Variants in TDRD5 observed in about 807,000 individuals in gnomAD.
TDRD5 encodes the protein tudor domain containing 5.
TDRD5 carries 41 observed loss-of-function variants against 120.6 expected under a neutral mutation model. That is an observed-to-expected ratio of 0.34 (90% confidence interval 0.26 to 0.44). The LOEUF (loss-of-function observed/expected upper bound fraction) is 0.44, where lower values mean the gene tolerates loss of function less well. TDRD5 is among the 20% of genes least tolerant of loss of function. The pLI is 1.00. For synonymous variants in TDRD5, 430 were observed against 433.7 expected (o/e 0.99, Z 0.11); for missense variants, 1,006 against 1,221.2 (o/e 0.82, Z 2.63).
At chr1:179,633,252 C>A (rs1677560738) in intron 7 of TDRD5, among the ~76,000 whole-genome samples, 1 of 152,060 alleles carries the variant, frequency 6.6e-6, no homozygotes, top group Admixed American at 6.5e-5. Flanking sequence ...CCCATTTTTT[C>A]ACCATCACAA....
chr1:179,604,580 T>C (rs1675876860), intron 4 of TDRD5, among the ~76,000 whole-genome samples: 1 of 152,122 alleles, frequency 6.6e-6, no homozygotes, highest in African/African-American at 2.4e-5. Context: ...GACCGTGTCA[T>C]TATTGTCATT....
At chr1:179,633,615 G>C (rs7528948) in intron 7 of TDRD5, among the ~76,000 whole-genome samples, 141,025 of 151,790 alleles carry the variant, frequency 0.93, 66,112 homozygotes, top group Non-Finnish European at 0.99. Context: ...CTCCCAAAGT[G>C]CTGGGATTAC....
intron 6 of TDRD5, among the ~76,000 whole-genome samples, chr1:179,628,466 G>GTT (rs1263815038): frequency 5.2e-5 from 6 of 114,992 alleles, no homozygotes; most frequent in African/African-American, 9.0e-5. Context: ...GTCCAGCTAA[G>GTT]TTTTTTTTTT....
chr1:179,669,063 A>G (rs1361934363), intron 16 of TDRD5, 131 bp from the exon 17 acceptor site: 1 of 929,240 alleles, frequency 1.1e-6, no homozygotes, highest in East Asian at 2.7e-5. Flanking sequence ...TAGGTTCTTG[A>G]AAGTGAGTAG....
At position 179,683,517 on chromosome 1, in the gene TDRD5, C is replaced by T. The variant is rs116619912; in HGVS notation, c.2861-7179C>T. ...GATCAGAATTTCACTTTTTAGAATACGCTGTCAAATCCTCCTCGAACATAA... is the reference window on the plus strand; with the variant it reads ...GATCAGAATTTCACTTTTTAGAATATGCTGTCAAATCCTCCTCGAACATAA... On this transcript the variant is annotated intron_variant, in intron 17 of 17. Transcript: ENST00000444136. 8.3e-3 allele frequency among the ~76,000 whole-genome samples: 1,260 copies of T among 152,238 alleles called. 17 individuals carry two copies. Among genetic ancestry groups the T allele is most frequent in the African/African-American group, 0.029 (1,197 of 41,524 alleles).
chr1:179,630,980 GA>G (rs1677410495), intron 7 of TDRD5, 60 bp downstream of exon 7: 1 of 1,452,182 alleles, frequency 6.9e-7, no homozygotes, highest in African/African-American at 1.4e-5. Flanking sequence ...AGGACAAAGA[GA>G]AAACATGAAA....
At chr1:179,654,120 C>G in intron 13 of TDRD5, 81 bp from the exon 14 acceptor site, 2 of 1,206,986 alleles carry the variant, frequency 1.7e-6, no homozygotes, top group Non-Finnish European at 2.2e-6. Flanking sequence ...GCAAAAACTT[C>G]CCCCCAAAAT....
upstream of TDRD5, chr1:179,591,796 C>T (rs1009827254): frequency 6.6e-6 from 1 of 152,446 alleles, no homozygotes; most frequent in Admixed American, 6.5e-5. Context: ...CGCGGCGCCC[C>T]GGGAGAGGCC....
intron 17 of TDRD5, among the ~76,000 whole-genome samples, chr1:179,687,957 C>T (rs1680836751): frequency 6.6e-6 from 1 of 151,224 alleles, no homozygotes; most frequent in Non-Finnish European, 1.5e-5. Context: ...TGAGATGGGT[C>T]TCATGAATAC....
chr1:179,685,048 G>A (rs976456345), intron 17 of TDRD5, among the ~76,000 whole-genome samples: 30 of 151,980 alleles, frequency 2.0e-4, no homozygotes, highest in African/African-American at 5.6e-4. Context: ...CTTTAGTTTA[G>A]TTAGATCCCA....
chr1:179,686,990 C>A (rs531254693), intron 17 of TDRD5, among the ~76,000 whole-genome samples: 1 of 152,254 alleles, frequency 6.6e-6, no homozygotes, highest in South Asian at 2.1e-4. Context: ...TTTCAAAAAA[C>A]CAGCTCCTGG....
At position 179,639,944 on chromosome 1, in the gene TDRD5, G is replaced by T. The variant is rs1677954517; in HGVS notation, c.1626G>T (p.Trp542Cys). The change falls in exon 10 of 18, where the codon TGG (tryptophan) becomes TGT (cysteine). Residue 542 changes from tryptophan to cysteine, a missense_variant. Transcript: ENST00000444136. ...TAAGGATTTCTGAGGATAAGTGGTG[G>T]TATCGGGTCATTATCCATCGAGTCC... ...CCVRISEDKW[W>C]YRVIIHRVLE... 6.2e-7 allele frequency: 1 copy of T among 1,614,118 alleles called. No individual in the cohort carries two copies. Among genetic ancestry groups the T allele is most frequent in the South Asian group, 1.1e-5 (1 of 91,074 alleles).
intron 14 of TDRD5, among the ~76,000 whole-genome samples, chr1:179,655,131 C>T (rs2102073897): frequency 6.6e-6 from 1 of 152,136 alleles, no homozygotes; most frequent in South Asian, 2.1e-4. Flanking sequence ...CTGTTTCTTT[C>T]ATTAAATAAC....
intron 16 of TDRD5, 36 bp downstream of exon 16, chr1:179,663,527 C>T: frequency 1.3e-6 from 2 of 1,564,856 alleles, no homozygotes; most frequent in South Asian, 2.4e-5. Context: ...GACAGGTTTG[C>T]ATAAGGAAGT....
In TDRD5 at chr1:179,662,156, A is replaced by G. The variant is rs1679345271; in HGVS notation, c.2375A>G (p.Asp792Gly). The G allele has an allele frequency of 6.2e-7, 1 of 1,609,460 alleles. No homozygotes were observed. Among genetic ancestry groups the G allele is most frequent in the Non-Finnish European group, 8.5e-7 (1 of 1,178,206 alleles). ...PCLESVTIGDDIWDENWLPLQ... is the reference protein window; with the variant it reads ...PCLESVTIGDGIWDENWLPLQ... ...CTGGAGTCAGTGACCATAGGTGATG[A>G]TATTTGGGATGAGAACTGGTTACCT... The change falls in exon 15 of 18, where the codon GAT (aspartate) becomes GGT (glycine). Residue 792 changes from aspartate to glycine, a missense_variant. This residue lies in a region of TDRD5 where 403 missense variants were observed against 448.1 expected (regional missense o/e 0.90). Coordinates refer to ENST00000444136, the MANE Select transcript of TDRD5 (RefSeq NM_001199085.3).
rs577183529 is a variant in TDRD5, at chr1:179,621,199, C to T, written c.972+108C>T. The T allele has an allele frequency of 5.7e-4, 507 of 892,702 alleles. 1 individual carries two copies. The highest frequency in any genetic ancestry group is 7.4e-4 in the Non-Finnish European group (450 of 608,808). 55.3% of individuals were successfully genotyped at this position (892,702 alleles called of 1,614,324 possible). ...GATTCTCCAGGTCTATGCTCTAAAACGGAAACATTTTGTTTTGCATTTTAG... is the reference window on the plus strand; with the variant it reads ...GATTCTCCAGGTCTATGCTCTAAAATGGAAACATTTTGTTTTGCATTTTAG... On this transcript the variant is annotated intron_variant, in intron 6 of 17. Transcript: ENST00000444136.
intron 12 of TDRD5, 65 bp downstream of exon 12, chr1:179,651,132 T>A (rs960723407): frequency 6.6e-7 from 1 of 1,520,446 alleles, no homozygotes; most frequent in African/African-American, 1.4e-5. Context: ...AGGTATAAGA[T>A]AATTTAATAA....
In TDRD5 at chr1:179,635,720, C is replaced by A. The variant is rs1301902242; in HGVS notation, c.1353C>A (p.Ile451=). The stretch of plus-strand genomic sequence containing the variant: ...ACTTGGCAATGGCAAATCATGACAT[C>A]CCGCCAGACGCTGTGCCGAACAAGA... ...ELNLAMANHD[I]PPDAVPNKKL... is the part of the protein sequence containing the mutation. The change falls in exon 9 of 18, where the codon ATC becomes ATA. Residue 451 remains isoleucine, a synonymous_variant. Transcript: ENST00000444136. The A allele has an allele frequency of 6.2e-7, 1 of 1,614,002 alleles. No individual in the cohort carries two copies. The highest frequency in any genetic ancestry group is 1.3e-5 in the African/African-American group (1 of 75,006).
At chr1:179,664,047 CTT>C (rs1334693017) in intron 16 of TDRD5, among the ~76,000 whole-genome samples, 1 of 152,148 alleles carries the variant, frequency 6.6e-6, no homozygotes, top group African/African-American at 2.4e-5. Context: ...TGCCAGGCCT[CTT>C]TACTTTGGTG....
Sources: allele counts gnomAD v4.1 joint callset (sites outside exome capture counted in the v4.1 genomes callset), GRCh38; gene constraint gnomAD v4.1.1; regional missense constraint gnomAD v4.1.1; transcripts MANE v1.5; gene names NCBI Gene and HGNC (gene_info 2026-07-23, HGNC 2026-07-21).